The following DYSF variants were observed in gnomAD, a reference collection of about 807,000 sequenced individuals.
The protein encoded by DYSF is dysferlin, also known as dystrophy-associated fer-1-like 1.
DYSF carries 212 observed loss-of-function variants against 274.9 expected under a neutral mutation model. The ratio of observed to expected loss-of-function variants is 0.77; its 90% CI spans 0.69 to 0.86. The LOEUF (loss-of-function observed/expected upper bound fraction) is 0.86, where lower values mean the gene tolerates loss of function less well. Ranked by LOEUF, DYSF falls within the 40% of genes least tolerant of loss-of-function variation. DYSF has a pLI of 0.00. For missense variants in DYSF, 2,666 were observed against 2,783.2 expected (o/e 0.96, Z 0.95); for synonymous variants, 1,091 against 1,078.7 (o/e 1.01, Z -0.22).
intron 1 of DYSF, among the ~76,000 whole-genome samples, chr2:71,458,347 T>C (rs1392229490): frequency 6.6e-6 from 1 of 152,228 alleles, no homozygotes; most frequent in Non-Finnish European, 1.5e-5. Flanking sequence ...CACAAAGGCT[T>C]TCAATGTCTT....
At chr2:71,592,149 G>C (rs984188740) in intron 32 of DYSF, among the ~76,000 whole-genome samples, 7 of 151,116 alleles carry the variant, frequency 4.6e-5, no homozygotes, top group African/African-American at 1.5e-4. Flanking sequence ...GGATGGCCAG[G>C]GGGGGCCCAG....
At chr2:71,644,721 A>G (rs181666785) in intron 42 of DYSF, among the ~76,000 whole-genome samples, 3 of 152,366 alleles carry the variant, frequency 2.0e-5, no homozygotes, top group Admixed American at 2.0e-4. Context: ...GACTACTTTT[A>G]AAGAAGATAA....
chr2:71,682,502 C>T (rs768416757), intron 54 of DYSF, 28 bp from the exon 55 acceptor site: 3 of 1,614,118 alleles, frequency 1.9e-6, no homozygotes. Flanking sequence ...AAAGGATGCC[C>T]AGTTGACCTC....
chr2:71,570,363 C>A (rs753536589), intron 28 of DYSF, 29 bp downstream of exon 28: 6 of 1,604,932 alleles, frequency 3.7e-6, no homozygotes, highest in Non-Finnish European at 5.1e-6. Flanking sequence ...CTGGCGAGCC[C>A]CATCCCCGGC....
At chr2:71,608,518 T>C (rs1322709980) in intron 36 of DYSF, among the ~76,000 whole-genome samples, 1 of 152,130 alleles carries the variant, frequency 6.6e-6, no homozygotes, top group Non-Finnish European at 1.5e-5. Flanking sequence ...GACACACCTC[T>C]AACCACTGTC....
intron 30 of DYSF, among the ~76,000 whole-genome samples, chr2:71,580,536 C>T (rs1192246172): frequency 6.6e-6 from 1 of 152,226 alleles, no homozygotes; most frequent in Non-Finnish European, 1.5e-5. Flanking sequence ...GTTCCCAGAG[C>T]TGGCACTGTG....
intron 31 of DYSF, among the ~76,000 whole-genome samples, 157 bp downstream of exon 31, chr2:71,589,843 G>A (rs1390148921): frequency 6.6e-6 from 1 of 152,134 alleles, no homozygotes; most frequent in Non-Finnish European, 1.5e-5. Flanking sequence ...GTGTGTGTGT[G>A]TGCGCGCGTG....
chr2:71,569,164 G>T (rs1322164685), intron 26 of DYSF, among the ~76,000 whole-genome samples: 2 of 152,026 alleles, frequency 1.3e-5, no homozygotes, highest in Non-Finnish European at 1.5e-5. Flanking sequence ...TTGAGCCACC[G>T]CGCCTGGCCC....
intron 10 of DYSF, among the ~76,000 whole-genome samples, chr2:71,519,880 C>G (rs1164058379): frequency 2.2e-5 from 3 of 135,464 alleles, no homozygotes; most frequent in Non-Finnish European, 4.5e-5. Context: ...TCAGGCTGGT[C>G]TCGAACTCCT....
At chr2:71,478,881 C>T (rs529830988) in intron 1 of DYSF, among the ~76,000 whole-genome samples, 70 of 152,178 alleles carry the variant, frequency 4.6e-4, no homozygotes, top group African/African-American at 1.7e-3. Flanking sequence ...CACCCCTTGC[C>T]TGCCTCCTTG....
chr2:71,528,371 C>G lies in DYSF; in HGVS notation c.1350C>G (p.Pro450=). 4 of 1,614,142 alleles carry G rather than the reference C, an allele frequency of 2.5e-6. No homozygotes were observed. Among genetic ancestry groups the G allele is most frequent in the African/African-American group, 1.3e-5 (1 of 75,060 alleles). The stretch of plus-strand genomic sequence containing the variant: ...GTAACAAGAAGAACTTGGTGGACCC[C>G]TTTGTGGAGGTCAGCTTTGCGGGGA... ...FESNKKNLVD[P]FVEVSFAGKM... The change falls in exon 14 of 56, where the codon CCC becomes CCG. Residue 450 remains proline (P), a synonymous_variant. Coordinates refer to ENST00000410020, the MANE Select transcript of DYSF (RefSeq NM_001130987.2).
At position 71,600,685 on chromosome 2, in the gene DYSF, C is replaced by G; in HGVS notation, c.3757-17C>G. On this transcript the variant is annotated splice_polypyrimidine_tract_variant and intron_variant, in intron 33 of 55. Coordinates refer to ENST00000410020, the MANE Select transcript of DYSF (RefSeq NM_001130987.2). ...GGGTAAGGGATGCTGATTCTTGTCT[C>G]TCTACGCTTGGTCTAGGGTGCAGAC... 1 of 1,614,076 alleles carries G rather than the reference C, an allele frequency of 6.2e-7. No homozygotes were observed. Among genetic ancestry groups the G allele is most frequent in the Non-Finnish European group, 8.5e-7 (1 of 1,180,040 alleles).
chr2:71,453,888 C>A, exon 1 of DYSF: 1 of 1,098,034 alleles, frequency 9.1e-7, no homozygotes, highest in South Asian at 1.3e-5. Context: ...GAGCCGGCCT[C>A]GCCCAGCCAG....
intron 27 of DYSF, 138 bp downstream of exon 27, chr2:71,570,072 A>G: frequency 9.3e-7 from 1 of 1,078,578 alleles, no homozygotes. Flanking sequence ...TCCAAAGGGA[A>G]AGTGTGGGGT....
intron 36 of DYSF, among the ~76,000 whole-genome samples, chr2:71,607,383 T>C (rs1331753754): frequency 6.6e-6 from 1 of 152,126 alleles, no homozygotes; most frequent in Non-Finnish European, 1.5e-5. Flanking sequence ...ATTTATCTCA[T>C]GAGAGACATG....
At chr2:71,679,606 A>T (rs529520150) in intron 53 of DYSF, among the ~76,000 whole-genome samples, 2 of 152,216 alleles carry the variant, frequency 1.3e-5, no homozygotes, top group East Asian at 3.9e-4. Flanking sequence ...CCAAGGGACC[A>T]TCCTTATTCT....
At chr2:71,624,138 T>C (rs527808921) in intron 41 of DYSF, among the ~76,000 whole-genome samples, 2 of 152,342 alleles carry the variant, frequency 1.3e-5, no homozygotes, top group Non-Finnish European at 2.9e-5. Context: ...TTCCTTTTTA[T>C]ATTCAAATTC....
At chr2:71,537,648 A>G (rs1447028056) in intron 16 of DYSF, among the ~76,000 whole-genome samples, 1 of 152,196 alleles carries the variant, frequency 6.6e-6, no homozygotes, top group Non-Finnish European at 1.5e-5. Context: ...AAAACTTTAA[A>G]AATCAAAGCT....
intron 33 of DYSF, among the ~76,000 whole-genome samples, chr2:71,600,357 C>A (rs1049122820): frequency 6.6e-6 from 1 of 152,188 alleles, no homozygotes; most frequent in Non-Finnish European, 1.5e-5. Flanking sequence ...TACTGCTGAG[C>A]GCATTAGAGA....
Sources: allele counts gnomAD v4.1 joint callset (sites outside exome capture counted in the v4.1 genomes callset), GRCh38; gene constraint gnomAD v4.1.1; transcripts MANE v1.5; gene names NCBI Gene and HGNC (gene_info 2026-07-23, HGNC 2026-07-21).